TRABD2B: variants seen among roughly 807,000 people sequenced by gnomAD.
The protein encoded by TRABD2B is TraB domain containing 2B.
Under a neutral mutation model 40.1 loss-of-function variants are expected in TRABD2B, and 14 were observed. The observed-to-expected ratio is 0.35, with a 90% CI of 0.23 to 0.55. The LOEUF (loss-of-function observed/expected upper bound fraction) is 0.55. TRABD2B is among the 20% of genes least tolerant of loss of function. TRABD2B has a pLI of 0.90. For missense variants in TRABD2B, 541 were observed against 648.6 expected, an observed-to-expected ratio of 0.83 and a Z score of 1.80; for synonymous variants, 263 against 277.0, an observed-to-expected ratio of 0.95 and a Z score of 0.50.
chr1:47,784,078 G>A (rs1429603748), intron 4 of TRABD2B, among the ~76,000 whole-genome samples: 7 of 152,116 alleles, frequency 4.6e-5, no homozygotes, highest in East Asian at 1.9e-4. Flanking sequence ...CTTCTCAAAC[G>A]TCATTTCATT....
chr1:47,852,551 C>T (rs529369710), intron 2 of TRABD2B, among the ~76,000 whole-genome samples: 3 of 152,292 alleles, frequency 2.0e-5, no homozygotes, highest in Admixed American at 2.0e-4. Context: ...TTGCTGGTCA[C>T]GTCTGGCCAG....
chr1:47,843,945 G>A (rs1285036659), intron 2 of TRABD2B, among the ~76,000 whole-genome samples: 2 of 152,254 alleles, frequency 1.3e-5, no homozygotes, highest in Admixed American at 1.3e-4. Flanking sequence ...AGCCTCTCTC[G>A]ATGGGCACCC....
At chr1:47,827,380 T>C (rs1645190486) in intron 2 of TRABD2B, among the ~76,000 whole-genome samples, 1 of 152,280 alleles carries the variant, frequency 6.6e-6, no homozygotes, top group African/African-American at 2.4e-5. Context: ...TAGGTTGGAA[T>C]GCCTCTGTCT....
chr1:47,918,826 G>A (rs1644863974), intron 2 of TRABD2B, among the ~76,000 whole-genome samples: 1 of 152,220 alleles, frequency 6.6e-6, no homozygotes. Flanking sequence ...AACTCGATCT[G>A]AGCCACAGTC....
intron 2 of TRABD2B, among the ~76,000 whole-genome samples, chr1:47,977,364 G>A (rs148181004): frequency 5.3e-4 from 80 of 152,220 alleles, no homozygotes; most frequent in African/African-American, 1.6e-3. Flanking sequence ...GAGCCACTGC[G>A]CCCAGCCAGG....
intron 2 of TRABD2B, among the ~76,000 whole-genome samples, chr1:47,881,614 T>C (rs1644305133): frequency 6.6e-6 from 1 of 152,174 alleles, no homozygotes; most frequent in East Asian, 1.9e-4. Context: ...AGACTGAAGC[T>C]TTCTGGTTCT....
intron 2 of TRABD2B, among the ~76,000 whole-genome samples, chr1:47,840,575 G>A (rs77881918): frequency 0.024 from 3,590 of 151,334 alleles, 111 homozygotes; most frequent in Admixed American, 0.094. Flanking sequence ...TTAATGACAG[G>A]CCTGTCTTCA....
At chr1:47,986,846 G>C (rs993815383) in intron 2 of TRABD2B, among the ~76,000 whole-genome samples, 1 of 152,236 alleles carries the variant, frequency 6.6e-6, no homozygotes, top group Non-Finnish European at 1.5e-5. Flanking sequence ...GCTGCTCGGC[G>C]AGACGGCTTG....
chr1:47,880,581 T>C (rs543154305), intron 2 of TRABD2B, among the ~76,000 whole-genome samples: 1 of 152,324 alleles, frequency 6.6e-6, no homozygotes, highest in East Asian at 1.9e-4. Flanking sequence ...CGCTAGGTTT[T>C]AGACATCAAG....
chr1:47,911,370 G>A (rs920105329), intron 2 of TRABD2B, among the ~76,000 whole-genome samples: 2 of 152,196 alleles, frequency 1.3e-5, no homozygotes, highest in African/African-American at 4.8e-5. Flanking sequence ...ACTGGTGCAA[G>A]TTACAACCTT....
intron 2 of TRABD2B, among the ~76,000 whole-genome samples, chr1:47,943,836 G>A (rs1645222005): frequency 6.6e-6 from 1 of 151,412 alleles, no homozygotes; most frequent in African/African-American, 2.4e-5. Context: ...TGCAATTTAT[G>A]AGATATGCCT....
At chr1:47,968,292 A>G (rs150661015) in intron 2 of TRABD2B, among the ~76,000 whole-genome samples, 1 of 152,118 alleles carries the variant, frequency 6.6e-6, no homozygotes, top group Non-Finnish European at 1.5e-5. Flanking sequence ...TGCTCAGCAA[A>G]TCCTTTTCCT....
At chr1:47,965,341 A>G (rs891972577) in intron 2 of TRABD2B, among the ~76,000 whole-genome samples, 2 of 151,300 alleles carry the variant, frequency 1.3e-5, no homozygotes, top group African/African-American at 4.9e-5. Flanking sequence ...GGCAAGGTCC[A>G]GGACAAAGTT....
At chr1:47,846,925 A>G (rs1331593532) in intron 2 of TRABD2B, among the ~76,000 whole-genome samples, 1 of 144,386 alleles carries the variant, frequency 6.9e-6, no homozygotes, top group South Asian at 2.2e-4. Context: ...TCTGACCCTC[A>G]GCTCGATAGC....
chr1:47,997,327 C>T lies in TRABD2B; in HGVS notation c.-538G>A. The T allele has an allele frequency of 3.8e-6, 2 of 531,258 alleles. No homozygotes were observed. Among genetic ancestry groups the T allele is most frequent in the South Asian group, 8.1e-5 (1 of 12,384 alleles). The allele number at this position is 531,258 out of a possible 1,614,324, so 32.9% of individuals were successfully genotyped here. A position where few individuals can be genotyped will look rare whatever the true frequency, so the allele number is the denominator to read the frequency against. ...CCGGCTCAGAGGGGCGGCGGGCGGC[C>T]GCGCGGCCGCTGCCCGGGCTCCGCC... is the stretch of plus-strand genomic sequence containing the variant. On this transcript the variant is annotated 5_prime_UTR_variant, in exon 1 of 7. Transcript: ENST00000606738.
At position 47,785,304 on chromosome 1, in the gene TRABD2B, C is replaced by T. The variant is rs747653957; in HGVS notation, c.989-6760G>A. ...AGCTGTAAGGAAGTGAGTGCTCCAC[C>T]CTGGGAGGTGTGTAAGCTGAGGGTC... On this transcript the variant is annotated intron_variant, in intron 4 of 6. Coordinates refer to ENST00000606738, the MANE Select transcript of TRABD2B (RefSeq NM_001194986.2). Among the ~76,000 whole-genome samples, 4 of 152,154 alleles carry T rather than the reference C, an allele frequency of 2.6e-5. 1 individual carries two copies. The highest frequency in any genetic ancestry group is 2.6e-4 in the Admixed American group (4 of 15,272).
chr1:47,905,324 A>G (rs1232299701), intron 2 of TRABD2B, among the ~76,000 whole-genome samples: 5 of 152,190 alleles, frequency 3.3e-5, no homozygotes, highest in Admixed American at 6.5e-5. Context: ...ATGAGAACCA[A>G]CTTCCCAGAG....
intron 2 of TRABD2B, among the ~76,000 whole-genome samples, chr1:47,849,948 T>G (rs186676434): frequency 6.6e-6 from 1 of 152,332 alleles, no homozygotes; most frequent in East Asian, 1.9e-4. Context: ...CAGAAGAAGC[T>G]GCAGCCCCAG....
At chr1:47,964,890 G>A (rs1645575967) in intron 2 of TRABD2B, among the ~76,000 whole-genome samples, 1 of 151,892 alleles carries the variant, frequency 6.6e-6, no homozygotes, top group South Asian at 2.1e-4. Context: ...GCCCAGGAAG[G>A]ATGCGGCCCC....
Sources: gnomAD v4.1 joint callset for allele counts (sites outside exome capture counted in the v4.1 genomes callset) on GRCh38, gnomAD v4.1.1 for gene constraint, MANE v1.5 for transcripts, NCBI Gene and HGNC (gene_info 2026-07-23, HGNC 2026-07-21) for gene names.